Variants in CAMK2D observed in about 807,000 individuals in gnomAD.
CAMK2D encodes calcium/calmodulin dependent protein kinase II delta.
In CAMK2D, 37 loss-of-function variants were observed where a neutral mutation model predicts 84.0. The observed-to-expected ratio is 0.44, with a 90% CI of 0.34 to 0.58. The LOEUF (loss-of-function observed/expected upper bound fraction) is 0.58, where lower values mean the gene tolerates loss of function less well. Among genes scored for constraint, CAMK2D ranks in the 20% least tolerant of loss-of-function variants. The pLI is 0.02. For synonymous variants in CAMK2D, 202 were observed against 212.5 expected (o/e 0.95, Z 0.43); for missense variants, 448 against 652.5 (o/e 0.69, Z 3.41).
intron 2 of CAMK2D, among the ~76,000 whole-genome samples, chr4:113,742,533 T>C (rs543647579): frequency 2.7e-5 from 4 of 150,608 alleles, no homozygotes; most frequent in African/African-American, 7.3e-5. Context: ...TCAAACACAT[T>C]CTAATCACAC....
At chr4:113,466,662 A>G (rs950955088) in intron 16 of CAMK2D, among the ~76,000 whole-genome samples, 13 of 152,266 alleles carry the variant, frequency 8.5e-5, no homozygotes, top group African/African-American at 2.4e-4. Context: ...CCCAACACCA[A>G]TCATGATTTG....
chr4:113,733,946 A>G (rs2099575125), intron 2 of CAMK2D, among the ~76,000 whole-genome samples: 2 of 152,202 alleles, frequency 1.3e-5, no homozygotes, highest in African/African-American at 4.8e-5. Flanking sequence ...AAATGAGAAC[A>G]GGTTTCCATT....
intron 11 of CAMK2D, 80 bp from the exon 12 acceptor site, chr4:113,513,450 A>T: frequency 1.1e-6 from 1 of 918,432 alleles, no homozygotes. Context: ...CTTTGATAAC[A>T]AATCTTTTCC....
At chr4:113,696,195 G>GACACACACACACACACACACACACAC (rs56784441) in intron 2 of CAMK2D, among the ~76,000 whole-genome samples, 1 of 144,534 alleles carries the variant, frequency 6.9e-6, no homozygotes, top group African/African-American at 2.5e-5. Context: ...CAGACACACA[G>GACACACACACACACACACACACACAC]ACACACACAC....
chr4:113,498,519 T>A (rs2097976367), intron 16 of CAMK2D, among the ~76,000 whole-genome samples: 1 of 152,202 alleles, frequency 6.6e-6, no homozygotes, highest in African/African-American at 2.4e-5. Context: ...ACTTAAATAA[T>A]GTATTTATTA....
chr4:113,665,278 A>C (rs1471339753), intron 2 of CAMK2D, among the ~76,000 whole-genome samples: 2 of 152,246 alleles, frequency 1.3e-5, no homozygotes, highest in Non-Finnish European at 2.9e-5. Flanking sequence ...AGTAAATTCT[A>C]GTTTCCATTA....
chr4:113,487,587 A>G (rs1564562741), intron 16 of CAMK2D, among the ~76,000 whole-genome samples: 1 of 152,170 alleles, frequency 6.6e-6, no homozygotes, highest in African/African-American at 2.4e-5. Flanking sequence ...TTGTATGGAA[A>G]CTTTAGAAAC....
intron 7 of CAMK2D, among the ~76,000 whole-genome samples, chr4:113,534,342 G>A (rs59134664): frequency 0.023 from 3,446 of 152,060 alleles, 112 homozygotes; most frequent in African/African-American, 0.071. Context: ...AAAAGAAAAA[G>A]AAAGAGAAAA....
intron 4 of CAMK2D, among the ~76,000 whole-genome samples, chr4:113,559,116 G>A (rs980565356): frequency 6.6e-6 from 1 of 151,070 alleles, no homozygotes; most frequent in Admixed American, 6.6e-5. Context: ...GAAAGAAATC[G>A]CTGTATATGG....
intron 2 of CAMK2D, among the ~76,000 whole-genome samples, chr4:113,720,012 G>A (rs574598983): frequency 6.6e-6 from 1 of 152,232 alleles, no homozygotes; most frequent in South Asian, 2.1e-4. Flanking sequence ...ATATTCTAAG[G>A]ATCACAGAGA....
At chr4:113,719,869 G>C (rs1163057384) in intron 2 of CAMK2D, among the ~76,000 whole-genome samples, 4 of 152,128 alleles carry the variant, frequency 2.6e-5, no homozygotes, top group Non-Finnish European at 4.4e-5. Flanking sequence ...CGAATAGAAA[G>C]ATACAGAACT....
intron 12 of CAMK2D, 69 bp from the exon 13 acceptor site, chr4:113,509,744 TCAG>T: frequency 8.8e-7 from 1 of 1,133,914 alleles, no homozygotes; most frequent in Non-Finnish European, 1.3e-6. Context: ...AACAAAGCAG[TCAG>T]GTTATTGTCT....
intron 2 of CAMK2D, among the ~76,000 whole-genome samples, chr4:113,696,942 T>C (rs1303669202): frequency 1.3e-5 from 2 of 152,016 alleles, no homozygotes; most frequent in African/African-American, 4.8e-5. Flanking sequence ...AGGTAATGCA[T>C]ATGAACGTTT....
chr4:113,723,224 AC>A (rs1476018762), intron 2 of CAMK2D, among the ~76,000 whole-genome samples: 2 of 150,806 alleles, frequency 1.3e-5, no homozygotes, highest in African/African-American at 4.9e-5. Flanking sequence ...ACCAAAAATA[AC>A]TTTTTTTTTT....
intron 4 of CAMK2D, among the ~76,000 whole-genome samples, chr4:113,555,669 G>C (rs188074499): frequency 6.6e-6 from 1 of 152,256 alleles, no homozygotes; most frequent in South Asian, 2.1e-4. Context: ...AGATTCATCC[G>C]CGTCACCTGC....
chr4:113,734,888 GA>G (rs1255086905), intron 2 of CAMK2D, among the ~76,000 whole-genome samples: 1 of 125,308 alleles, frequency 8.0e-6, no homozygotes, highest in East Asian at 2.2e-4. Context: ...CTAAGTTTAG[GA>G]AAATGGAAAA....
At chr4:113,535,278 C>T (rs539597190) in intron 7 of CAMK2D, among the ~76,000 whole-genome samples, 4 of 152,104 alleles carry the variant, frequency 2.6e-5, no homozygotes, top group Non-Finnish European at 5.9e-5. Flanking sequence ...TTCATGTTTC[C>T]TAAACAGATT....
chr4:113,480,187 T>A (rs1036695150), intron 16 of CAMK2D, among the ~76,000 whole-genome samples: 2 of 152,070 alleles, frequency 1.3e-5, no homozygotes, highest in Non-Finnish European at 2.9e-5. Context: ...TGTCTCGAAC[T>A]CCTGAGTTCA....
intron 2 of CAMK2D, among the ~76,000 whole-genome samples, chr4:113,663,513 C>T (rs9307394): frequency 0.05 from 7,570 of 151,740 alleles, 529 homozygotes; most frequent in African/African-American, 0.16. Context: ...CACTTGAACC[C>T]GGGAGATGGA....
Sources: gnomAD v4.1 joint callset for allele counts (sites outside exome capture counted in the v4.1 genomes callset) on GRCh38, gnomAD v4.1.1 for gene constraint, MANE v1.5 for transcripts, NCBI Gene and HGNC (gene_info 2026-07-23, HGNC 2026-07-21) for gene names.